Variants in GRIP1 observed in about 807,000 individuals in gnomAD.
GRIP1 encodes glutamate receptor-interacting protein 1.
Under a neutral mutation model 129.9 loss-of-function variants are expected in GRIP1, and 45 were observed. The ratio of observed to expected loss-of-function variants is 0.35; its 90% CI spans 0.27 to 0.44. The LOEUF is 0.44. Ranked by LOEUF, GRIP1 falls within the 20% of genes least tolerant of loss-of-function variation. GRIP1 has a pLI of 1.00. For missense variants in GRIP1, 1,196 were observed against 1,396.8 expected (o/e 0.86, Z 2.29); for synonymous variants, 530 against 520.8 (o/e 1.02, Z -0.24).
intron 1 of GRIP1, among the ~76,000 whole-genome samples, chr12:66,967,775 T>C (rs146157600): frequency 3.5e-4 from 53 of 152,344 alleles, no homozygotes; most frequent in African/African-American, 1.3e-3. Flanking sequence ...TATTGACTTA[T>C]AGTTTAATTT....
At chr12:66,455,998 TTA>T (rs2058949430) in intron 10 of GRIP1, among the ~76,000 whole-genome samples, 187 bp downstream of exon 10, 1 of 152,142 alleles carries the variant, frequency 6.6e-6, no homozygotes, top group African/African-American at 2.4e-5. Context: ...TTCTGAACAT[TTA>T]CATCCTTTCC....
intron 1 of GRIP1, among the ~76,000 whole-genome samples, chr12:66,998,379 T>C (rs866148111): frequency 6.6e-6 from 1 of 152,096 alleles, no homozygotes; most frequent in African/African-American, 2.4e-5. Context: ...TTTTCAGTTA[T>C]GTACAAACTG....
intron 1 of GRIP1, among the ~76,000 whole-genome samples, chr12:66,850,056 G>A (rs779992781): frequency 1.3e-5 from 2 of 152,126 alleles, no homozygotes; most frequent in Non-Finnish European, 2.9e-5. Flanking sequence ...GACTTATGGA[G>A]ATACTTACAC....
At chr12:66,567,510 G>A (rs1377969326) in intron 2 of GRIP1, 1 of 152,270 alleles carries the variant, frequency 6.6e-6, no homozygotes, top group Non-Finnish European at 1.5e-5. Context: ...TCAGGATTAA[G>A]AAACTCACTC....
At chr12:66,655,008 G>C (rs749689347) in intron 1 of GRIP1, among the ~76,000 whole-genome samples, 4 of 152,080 alleles carry the variant, frequency 2.6e-5, no homozygotes, top group Non-Finnish European at 5.9e-5. Context: ...TTGTACGCAG[G>C]AACATGAAGA....
chr12:66,777,957 C>T (rs113649308), intron 1 of GRIP1, among the ~76,000 whole-genome samples: 3 of 152,138 alleles, frequency 2.0e-5, no homozygotes, highest in Non-Finnish European at 4.4e-5. Flanking sequence ...ACTAGCCACT[C>T]ATAGCTAATG....
chr12:66,394,286 C>T lies in GRIP1; in HGVS notation c.2051G>A (p.Gly684Asp), dbSNP rs865967425. The T allele has an allele frequency of 1.9e-6, 3 of 1,613,902 alleles. No homozygotes were observed. Among genetic ancestry groups the T allele is most frequent in the Non-Finnish European group, 2.5e-6 (3 of 1,179,792 alleles). ...VELKRYGGPL[G>D]ITISGTEEPF... ...CTCTTCAGTTCCTGAAATTGTGATG[C>T]CAAGGGGCCCCCCGTAGCGTTTAAG... Residue 684 changes from glycine to aspartate, a missense_variant, in exon 17 of 25, where the codon GGC becomes GAC. By Grantham distance (94) the Gly-to-Asp change is moderately conservative. Transcript: ENST00000359742.
In GRIP1 at chr12:67,046,477, A is replaced by G. The variant is rs945155446; in HGVS notation, c.58+22573T>C. The stretch of plus-strand genomic sequence containing the variant: ...ATGACTGAATTTCATGTTAATTTTA[A>G]TAATTTTGAGTCCTGGATTTTAAAT... On this transcript the variant is annotated intron_variant, in intron 1 of 1. Coordinates refer to the GRIP1 transcript ENST00000643019. Among the ~76,000 whole-genome samples, 4 of 152,218 alleles carry G rather than the reference A, an allele frequency of 2.6e-5. No individual in the cohort carries two copies. The East Asian group carries it at 5.8e-4, about 22-fold the overall frequency.
At chr12:66,857,015 C>T (rs993314170) in intron 1 of GRIP1, among the ~76,000 whole-genome samples, 5 of 152,230 alleles carry the variant, frequency 3.3e-5, no homozygotes, top group African/African-American at 1.2e-4. Context: ...AAATGTGACA[C>T]ATATACACCA....
intron 1 of GRIP1, among the ~76,000 whole-genome samples, chr12:66,840,400 A>G (rs1010556203): frequency 3.3e-5 from 5 of 152,152 alleles, no homozygotes; most frequent in African/African-American, 9.7e-5. Flanking sequence ...TCTAATGTTA[A>G]TCTGCTGGGG....
At chr12:66,402,872 A>T (rs1416939965) in intron 16 of GRIP1, among the ~76,000 whole-genome samples, 1 of 152,254 alleles carries the variant, frequency 6.6e-6, no homozygotes, top group African/African-American at 2.4e-5. Flanking sequence ...CCACTCAGTC[A>T]TATCTTGATC....
intron 1 of GRIP1, among the ~76,000 whole-genome samples, chr12:66,983,275 G>A (rs535338620): frequency 2.0e-5 from 3 of 152,200 alleles, no homozygotes; most frequent in Admixed American, 6.5e-5. Context: ...GGCTGGAGCA[G>A]TTTTCTCTAT....
intron 7 of GRIP1, among the ~76,000 whole-genome samples, chr12:66,470,980 A>C (rs891595286): frequency 6.6e-6 from 1 of 152,178 alleles, no homozygotes; most frequent in African/African-American, 2.4e-5. Flanking sequence ...ACAAGGACGA[A>C]GTCGGGAGAG....
At chr12:66,440,056 C>T (rs1565739258) in intron 13 of GRIP1, among the ~76,000 whole-genome samples, 1 of 152,190 alleles carries the variant, frequency 6.6e-6, no homozygotes, top group African/African-American at 2.4e-5. Flanking sequence ...CTTTTCAACC[C>T]TCGAAGCTGC....
intron 1 of GRIP1, among the ~76,000 whole-genome samples, chr12:66,837,167 A>G (rs982339353): frequency 2.0e-5 from 3 of 152,200 alleles, no homozygotes; most frequent in Admixed American, 2.0e-4. Context: ...ATTCAAGTTA[A>G]TTTAACTCAC....
chr12:66,473,792 A>G (rs1196067968), intron 7 of GRIP1, among the ~76,000 whole-genome samples: 1 of 152,200 alleles, frequency 6.6e-6, no homozygotes, highest in Non-Finnish European at 1.5e-5. Flanking sequence ...ATCAACATCA[A>G]TGAAAGGACG....
At chr12:66,379,067 G>A (rs1227415142) in intron 20 of GRIP1, among the ~76,000 whole-genome samples, 2 of 152,248 alleles carry the variant, frequency 1.3e-5, no homozygotes, top group African/African-American at 4.8e-5. Flanking sequence ...GTTTTCGTTA[G>A]GGGAAACCCA....
chr12:66,582,709 G>A (rs1394684345), intron 2 of GRIP1, among the ~76,000 whole-genome samples: 1 of 144,538 alleles, frequency 6.9e-6, no homozygotes, highest in Non-Finnish European at 1.5e-5. Context: ...GGGACATGAA[G>A]GACCTCTTCA....
At chr12:66,713,427 T>TA (rs1479198667) in intron 1 of GRIP1, among the ~76,000 whole-genome samples, 4 of 152,046 alleles carry the variant, frequency 2.6e-5, no homozygotes, top group Admixed American at 6.6e-5. Context: ...TCAGCTAGAC[T>TA]AAGCTCTGCC....
Sources: allele counts gnomAD v4.1 joint callset (sites outside exome capture counted in the v4.1 genomes callset), GRCh38; gene constraint gnomAD v4.1.1; transcripts MANE v1.5; gene names NCBI Gene and HGNC (gene_info 2026-07-23, HGNC 2026-07-21).